BTF3L4: variants seen among roughly 807,000 people sequenced by gnomAD.
BTF3L4 encodes the protein transcription factor BTF3 homolog 4.
In BTF3L4, 6 loss-of-function variants were observed where a neutral mutation model predicts 16.8. The ratio of observed to expected loss-of-function variants is 0.36; its 90% CI spans 0.20 to 0.71. The LOEUF (loss-of-function observed/expected upper bound fraction) is 0.71. Among genes scored for constraint, BTF3L4 ranks in the 30% least tolerant of loss-of-function variants. The pLI, the probability that BTF3L4 is intolerant of heterozygous loss-of-function variation, is 0.58. For synonymous variants in BTF3L4, 39 were observed against 59.8 expected, an observed-to-expected ratio of 0.65 and a Z score of 1.60; for missense variants, 92 against 186.9, an observed-to-expected ratio of 0.49 and a Z score of 2.96.
intron 3 of BTF3L4, among the ~76,000 whole-genome samples, chr1:52,079,530 A>G (rs899269614): frequency 6.6e-6 from 1 of 152,182 alleles, no homozygotes; most frequent in Admixed American, 6.5e-5. Flanking sequence ...TAAAACAGCC[A>G]TGAATAAATT....
intron 3 of BTF3L4, among the ~76,000 whole-genome samples, chr1:52,068,630 C>T (rs1275333121): frequency 6.6e-6 from 1 of 152,076 alleles, no homozygotes. Context: ...TTGCTGTTTT[C>T]ATTTATACTT....
At chr1:52,071,389 T>C (rs1572025633) in intron 3 of BTF3L4, 1 of 152,276 alleles carries the variant, frequency 6.6e-6, no homozygotes, top group South Asian at 2.1e-4. Context: ...TTCTATAATA[T>C]GTTTTTCGCT....
At chr1:52,076,880 T>C (rs1234424194) in intron 3 of BTF3L4, among the ~76,000 whole-genome samples, 1 of 152,130 alleles carries the variant, frequency 6.6e-6, no homozygotes, top group East Asian at 1.9e-4. Flanking sequence ...CCTATTAAGC[T>C]GTAAGAAGAG....
At chr1:52,062,336 G>A (rs1686537418) in intron 2 of BTF3L4, among the ~76,000 whole-genome samples, 1 of 151,566 alleles carries the variant, frequency 6.6e-6, no homozygotes, top group Admixed American at 6.6e-5. Flanking sequence ...TGAGTAGCTG[G>A]GATTACAGGC....
At chr1:52,084,341 C>T (rs536027057) in intron 4 of BTF3L4, among the ~76,000 whole-genome samples, 9 of 152,068 alleles carry the variant, frequency 5.9e-5, no homozygotes, top group Non-Finnish European at 1.0e-4. Flanking sequence ...CAGGGTTTCG[C>T]CATGGTGGCC....
intron 3 of BTF3L4, among the ~76,000 whole-genome samples, chr1:52,077,950 C>T (rs1006837638): frequency 4.6e-5 from 7 of 152,166 alleles, no homozygotes; most frequent in Non-Finnish European, 1.0e-4. Flanking sequence ...AAAAGTCAGG[C>T]TAAAGATACA....
At chr1:52,078,758 G>C (rs1359067128) in intron 3 of BTF3L4, among the ~76,000 whole-genome samples, 1 of 152,114 alleles carries the variant, frequency 6.6e-6, no homozygotes, top group Non-Finnish European at 1.5e-5. Flanking sequence ...AAAAATGAGA[G>C]CAAGGGCATT....
intron 4 of BTF3L4, among the ~76,000 whole-genome samples, chr1:52,085,709 G>A (rs1300733789): frequency 6.6e-6 from 1 of 152,086 alleles, no homozygotes; most frequent in Non-Finnish European, 1.5e-5. Flanking sequence ...AATTAGCTGG[G>A]TATGGTGGTG....
rs112939555 is a variant in BTF3L4 at position 52,074,343 on chromosome 1, G to A, written c.169-8997G>A. ...CTCCCAAGTAGTAGCCGGGATTACAGGTGTGTGCCACCACAACCAGCTAAT... is the reference window on the plus strand; with the variant it reads ...CTCCCAAGTAGTAGCCGGGATTACAAGTGTGTGCCACCACAACCAGCTAAT... On this transcript the variant is annotated intron_variant, in intron 3 of 5. Transcript: ENST00000313334. Among the ~76,000 whole-genome samples the A allele has an allele frequency of 2.1e-3, 318 of 151,650 alleles. 3 individuals are homozygous for A. Among genetic ancestry groups the A allele is most frequent in the African/African-American group, 7.5e-3 (309 of 41,320 alleles).
chr1:52,076,278 A>G (rs1316021467), intron 3 of BTF3L4, among the ~76,000 whole-genome samples: 3 of 151,316 alleles, frequency 2.0e-5, no homozygotes, highest in Non-Finnish European at 4.4e-5. Context: ...TCAGTCTCAA[A>G]AAAAAGAAAG....
At chr1:52,078,995 A>C (rs1290342471) in intron 3 of BTF3L4, among the ~76,000 whole-genome samples, 1 of 152,204 alleles carries the variant, frequency 6.6e-6, no homozygotes, top group Non-Finnish European at 1.5e-5. Context: ...CTCAAACCAC[A>C]CAGTATAAAA....
chr1:52,077,105 CT>C (rs1686953810), intron 3 of BTF3L4, among the ~76,000 whole-genome samples: 1 of 152,182 alleles, frequency 6.6e-6, no homozygotes, highest in South Asian at 2.1e-4. Flanking sequence ...GAGTTTGAGG[CT>C]GCAGTGAGCT....
At chr1:52,071,238 T>G (rs1428211778) in intron 3 of BTF3L4, 2 of 152,210 alleles carry the variant, frequency 1.3e-5, no homozygotes, top group East Asian at 3.9e-4. Flanking sequence ...CCAAGTTGCT[T>G]CATAGAGTTT....
chr1:52,084,653 G>A (rs1446591211), intron 4 of BTF3L4, among the ~76,000 whole-genome samples: 1 of 151,960 alleles, frequency 6.6e-6, no homozygotes. Flanking sequence ...TTAGCCAGGT[G>A]TGATAGCACG....
chr1:52,072,329 G>A (rs1686812322), intron 3 of BTF3L4, among the ~76,000 whole-genome samples: 1 of 152,052 alleles, frequency 6.6e-6, no homozygotes, highest in Admixed American at 6.6e-5. Flanking sequence ...CTGGATTACA[G>A]GCATGAGCCA....
At chr1:52,072,328 A>G (rs1030907477) in intron 3 of BTF3L4, among the ~76,000 whole-genome samples, 48 of 152,262 alleles carry the variant, frequency 3.2e-4, no homozygotes, top group African/African-American at 1.2e-3. Flanking sequence ...GCTGGATTAC[A>G]GGCATGAGCC....
chr1:52,081,587 C>T (rs566608979), intron 3 of BTF3L4, among the ~76,000 whole-genome samples: 1 of 152,276 alleles, frequency 6.6e-6, no homozygotes, highest in African/African-American at 2.4e-5. Flanking sequence ...CAGATTTCAC[C>T]CACTTTAACA....
intron 3 of BTF3L4, among the ~76,000 whole-genome samples, chr1:52,074,330 A>T (rs1394062132): frequency 6.6e-6 from 1 of 150,422 alleles, no homozygotes; most frequent in Admixed American, 6.6e-5. Flanking sequence ...CCCAAGTAGT[A>T]GCCGGGATTA....
At chr1:52,057,093 G>C (rs1338645282) in intron 1 of BTF3L4, among the ~76,000 whole-genome samples, 1 of 152,136 alleles carries the variant, frequency 6.6e-6, no homozygotes, top group Non-Finnish European at 1.5e-5. Flanking sequence ...TGAAGTACGT[G>C]GTGTTATACC....
Sources: allele counts gnomAD v4.1 joint callset (sites outside exome capture counted in the v4.1 genomes callset), GRCh38; gene constraint gnomAD v4.1.1; transcripts MANE v1.5; gene names NCBI Gene and HGNC (gene_info 2026-07-23, HGNC 2026-07-21).